SH3RF3: variants seen among roughly 807,000 people sequenced by gnomAD.
SH3RF3 encodes the protein SH3 domain containing ring finger 3, also known as E3 ubiquitin-protein ligase SH3RF3.
A neutral mutation model predicts 66.3 loss-of-function variants in SH3RF3; 29 were observed. The ratio of observed to expected loss-of-function variants is 0.44; its 90% CI spans 0.33 to 0.60. The LOEUF is 0.60. SH3RF3 is among the 20% of genes least tolerant of loss of function. SH3RF3 has a pLI of 0.04. For synonymous variants in SH3RF3, 583 were observed against 532.0 expected (o/e 1.10, Z -1.32); for missense variants, 1,194 against 1,190.9 (o/e 1.00, Z -0.04).
chr2:109,307,385 A>G (rs1049480674), intron 1 of SH3RF3, among the ~76,000 whole-genome samples: 2 of 151,950 alleles, frequency 1.3e-5, no homozygotes, highest in Admixed American at 6.5e-5. Flanking sequence ...CGCTGCATCC[A>G]TGCTCTGGGC....
intron 1 of SH3RF3, among the ~76,000 whole-genome samples, chr2:109,342,872 A>G (rs1187274120): frequency 1.3e-5 from 2 of 152,244 alleles, no homozygotes; most frequent in Non-Finnish European, 2.9e-5. Flanking sequence ...AGTTTTAATT[A>G]TTATTAATGC....
chr2:109,396,402 G>A (rs536299905), intron 3 of SH3RF3, among the ~76,000 whole-genome samples: 53 of 152,312 alleles, frequency 3.5e-4, no homozygotes, highest in African/African-American at 1.3e-3. Context: ...GCAGATATTC[G>A]TAGTGGAAAT....
intron 1 of SH3RF3, among the ~76,000 whole-genome samples, chr2:109,178,308 T>G (rs555621522): frequency 4.6e-5 from 7 of 152,222 alleles, no homozygotes; most frequent in Non-Finnish European, 8.8e-5. Flanking sequence ...CTTTTATGAA[T>G]GTTCTCTATT....
chr2:109,326,714 TG>T (rs1426472628), intron 1 of SH3RF3, among the ~76,000 whole-genome samples: 6 of 152,366 alleles, frequency 3.9e-5, no homozygotes, highest in Non-Finnish European at 4.4e-5. Context: ...TGAAGATAGA[TG>T]GGTAGTTCTT....
intron 1 of SH3RF3, among the ~76,000 whole-genome samples, chr2:109,283,879 A>G (rs1287504576): frequency 6.6e-6 from 1 of 151,908 alleles, no homozygotes; most frequent in East Asian, 1.9e-4. Context: ...AGTATTCTAT[A>G]TGCATCAGCT....
intron 3 of SH3RF3, among the ~76,000 whole-genome samples, chr2:109,382,251 C>CAT (rs5833329): frequency 0.023 from 3,539 of 152,238 alleles, 141 homozygotes; most frequent in African/African-American, 0.081. Flanking sequence ...TTTCCTTAAC[C>CAT]ATAGGGTCTG....
At chr2:109,395,208 C>T (rs1466665836) in intron 3 of SH3RF3, among the ~76,000 whole-genome samples, 1 of 152,232 alleles carries the variant, frequency 6.6e-6, no homozygotes, top group Admixed American at 6.5e-5. Flanking sequence ...AAGCCTGGTC[C>T]CCAGTGGTGG....
intron 8 of SH3RF3, among the ~76,000 whole-genome samples, chr2:109,482,307 A>G (rs1559107012): frequency 6.6e-6 from 1 of 152,130 alleles, no homozygotes; most frequent in Non-Finnish European, 1.5e-5. Flanking sequence ...ATATTTAGAT[A>G]ATTATGTAGT....
intron 1 of SH3RF3, among the ~76,000 whole-genome samples, chr2:109,343,871 A>G (rs1318960576): frequency 6.6e-6 from 1 of 151,900 alleles, no homozygotes; most frequent in Admixed American, 6.6e-5. Flanking sequence ...CAGCCTCCCA[A>G]TAGCTGAGAC....
intron 1 of SH3RF3, among the ~76,000 whole-genome samples, chr2:109,134,326 A>C (rs35809619): frequency 0.2 from 30,744 of 152,134 alleles, 3,882 homozygotes; most frequent in Middle Eastern, 0.36. Flanking sequence ...TAAGGACTCC[A>C]GAGGAAAAGG....
At chr2:109,131,645 T>C (rs139150577) in intron 1 of SH3RF3, among the ~76,000 whole-genome samples, 1 of 152,284 alleles carries the variant, frequency 6.6e-6, no homozygotes, top group Non-Finnish European at 1.5e-5. Context: ...GGCTGAAGCT[T>C]TGATGCCACT....
intron 1 of SH3RF3, among the ~76,000 whole-genome samples, chr2:109,132,560 T>C (rs758508928): frequency 6.6e-6 from 1 of 152,174 alleles, no homozygotes; most frequent in Non-Finnish European, 1.5e-5. Context: ...GGAAATAATA[T>C]ACCCAGTGAC....
intron 6 of SH3RF3, among the ~76,000 whole-genome samples, chr2:109,434,404 C>T (rs997194914): frequency 2.0e-5 from 3 of 152,190 alleles, no homozygotes; most frequent in African/African-American, 7.2e-5. Flanking sequence ...TGAGAACTTC[C>T]GCAGACCTTC....
intron 1 of SH3RF3, among the ~76,000 whole-genome samples, chr2:109,239,389 A>G (rs1056452263): frequency 6.6e-6 from 1 of 152,242 alleles, no homozygotes; most frequent in East Asian, 1.9e-4. Flanking sequence ...TCACACAAAA[A>G]TGAACTGAAT....
At chr2:109,476,104 G>T (rs926118636) in intron 8 of SH3RF3, among the ~76,000 whole-genome samples, 1 of 152,206 alleles carries the variant, frequency 6.6e-6, no homozygotes, top group Non-Finnish European at 1.5e-5. Flanking sequence ...CTCAGGTTAA[G>T]TGTTCTTACC....
chr2:109,263,007 T>A (rs1486569718), intron 1 of SH3RF3, among the ~76,000 whole-genome samples: 1 of 147,582 alleles, frequency 6.8e-6, no homozygotes, highest in Non-Finnish European at 1.5e-5. Flanking sequence ...TCGTTTTTTG[T>A]ATTTTTTTTT....
chr2:109,173,862 C>G (rs867926262), intron 1 of SH3RF3, among the ~76,000 whole-genome samples: 1 of 152,246 alleles, frequency 6.6e-6, no homozygotes, highest in Non-Finnish European at 1.5e-5. Flanking sequence ...TCAGACTCAG[C>G]TCTTTTGCTG....
At chr2:109,317,906 C>T (rs1681925064) in intron 1 of SH3RF3, among the ~76,000 whole-genome samples, 1 of 89,696 alleles carries the variant, frequency 1.1e-5, no homozygotes, top group East Asian at 1.7e-3. Context: ...TGGCCAGCAG[C>T]AGCTCGCTGG....
intron 8 of SH3RF3, among the ~76,000 whole-genome samples, chr2:109,454,262 T>C (rs1677973266): frequency 6.6e-6 from 1 of 152,236 alleles, no homozygotes; most frequent in Admixed American, 6.5e-5. Context: ...ATAATTACTT[T>C]GTCTACTATC....
Sources: allele counts gnomAD v4.1 joint callset (sites outside exome capture counted in the v4.1 genomes callset), GRCh38; gene constraint gnomAD v4.1.1; transcripts MANE v1.5; gene names NCBI Gene and HGNC (gene_info 2026-07-23, HGNC 2026-07-21).